SH2D2A: variants seen among roughly 807,000 people sequenced by gnomAD.
SH2D2A encodes the protein SH2 domain containing 2A, also known as SH2 domain-containing protein 2A.
SH2D2A carries 33 observed loss-of-function variants against 43.6 expected under a neutral mutation model. That is an observed-to-expected ratio of 0.76 (90% CI 0.57 to 1.01). The LOEUF (loss-of-function observed/expected upper bound fraction) is 1.01, where lower values mean the gene tolerates loss of function less well. Among genes scored for constraint, SH2D2A ranks in the 50% least tolerant of loss-of-function variants. The pLI is 0.00. For missense variants in SH2D2A, 491 were observed against 503.1 expected (o/e 0.98, Z 0.23); for synonymous variants, 212 against 206.1 (o/e 1.03, Z -0.25).
chr1:156,807,465 C>T lies in SH2D2A; in HGVS notation c.1003-120G>A, dbSNP rs769440389. ...GCTTCCAGAGAGGGTATCTAAACTCCTCTCATTCATTAATTCAACAAACAT... is the reference window on the plus strand; with the variant it reads ...GCTTCCAGAGAGGGTATCTAAACTCTTCTCATTCATTAATTCAACAAACAT... On this transcript the variant is annotated intron_variant, in intron 7 of 8. Transcript: ENST00000368199. This position sits in a 1 kb window ranked among gnomAD's most constrained non-coding sequence, Gnocchi z 5.1. 1.3e-6 allele frequency: 1 copy of T among 785,980 alleles called. No individual in the cohort carries two copies. Among genetic ancestry groups the T allele is most frequent in the Non-Finnish European group, 1.9e-6 (1 of 512,970 alleles). 48.7% of individuals were successfully genotyped at this position (785,980 alleles called of 1,614,324 possible). A position where few individuals can be genotyped will look rare whatever the true frequency, so the allele number is the denominator to read the frequency against.
At chr1:156,814,327 G>C in intron 3 of SH2D2A, 33 bp from the exon 4 acceptor site, 1 of 1,603,076 alleles carries the variant, frequency 6.2e-7, no homozygotes, top group East Asian at 2.3e-5. Flanking sequence ...GCCGAACCCT[G>C]CTCTGACACT....
chr1:156,809,487 A>G lies in SH2D2A; in HGVS notation c.718T>C (p.Ser240Pro), dbSNP rs1439656309. 3 of 1,597,634 alleles carry G rather than the reference A, an allele frequency of 1.9e-6. No individual in the cohort carries two copies. The South Asian group carries it at 3.3e-5, about 18-fold the overall frequency. The part of the protein sequence containing the change: ...QKEGAGEKEP[S>P]QLLRPKPPIP... ...GGAGGCTTGGGCCTGAGCAGCTGGG[A>G]GGGCTGGGAGAGAAGGTGAGGCCAG... is the stretch of plus-strand genomic sequence containing the variant. The change falls in exon 7 of 9, where the codon TCC becomes CCC. Residue 240 changes from serine to proline, a missense_variant. Coordinates refer to ENST00000368199, the MANE Select transcript of SH2D2A (RefSeq NM_003975.4). This position sits in a 1 kb window ranked among gnomAD's most constrained non-coding sequence, Gnocchi z 4.8.
In SH2D2A at chr1:156,816,825, C is replaced by T. The variant is rs193016330; in HGVS notation, c.-117G>A. On this transcript the variant is annotated 5_prime_UTR_variant, in exon 1 of 9. Coordinates refer to ENST00000368199, the MANE Select transcript of SH2D2A (RefSeq NM_003975.4). ...CCCTGGCCCCGGGGGCAGGAAATGTCGCCTTACCCACAGCCTTAGTTCTGG... is the reference window on the plus strand; with the variant it reads ...CCCTGGCCCCGGGGGCAGGAAATGTTGCCTTACCCACAGCCTTAGTTCTGG... The T allele has an allele frequency of 1.8e-5, 17 of 953,752 alleles. No individual in the cohort carries two copies. Among genetic ancestry groups the T allele is most frequent in the South Asian group, 1.4e-4 (7 of 48,324 alleles). The allele number at this position is 953,752 out of a possible 1,614,324, so 59.1% of individuals were successfully genotyped here. A position where few individuals can be genotyped will look rare whatever the true frequency, so the allele number is the denominator to read the frequency against.
At position 156,807,452 on chromosome 1, in the gene SH2D2A, G is replaced by A; in HGVS notation, c.1003-107C>T. ...TGAACAGACTTTGGCTTCCAGAGAG[G>A]GTATCTAAACTCCTCTCATTCATTA... On this transcript the variant is annotated intron_variant, in intron 7 of 8. Transcript: ENST00000368199. The surrounding 1 kb of genome is among the most constrained non-coding windows in gnomAD (Gnocchi z 5.1). 2.1e-6 allele frequency: 2 copies of A among 952,196 alleles called. No homozygotes were observed. Among genetic ancestry groups the A allele is most frequent in the Non-Finnish European group, 3.0e-6 (2 of 663,454 alleles). 59.0% of individuals were successfully genotyped at this position (952,196 alleles called of 1,614,324 possible).
intron 5 of SH2D2A, among the ~76,000 whole-genome samples, chr1:156,813,041 CTG>C (rs746213507): frequency 3.0e-4 from 46 of 152,190 alleles, no homozygotes; most frequent in Non-Finnish European, 5.9e-5. Flanking sequence ...TATTACTTGT[CTG>C]TTTTTGCTGC....
rs1307017725 is a variant in SH2D2A at position 156,816,814 on chromosome 1, G to A, written c.-106C>T. On this transcript the variant is annotated 5_prime_UTR_variant, in exon 1 of 9. Coordinates refer to ENST00000368199, the MANE Select transcript of SH2D2A (RefSeq NM_003975.4). ...CTCTCCTCTCACCCTGGCCCCGGGG[G>A]CAGGAAATGTCGCCTTACCCACAGC... is the stretch of plus-strand genomic sequence containing the variant. 1.1e-5 allele frequency: 12 copies of A among 1,095,960 alleles called. No homozygotes were observed. Among genetic ancestry groups the A allele is most frequent in the African/African-American group, 1.6e-5 (1 of 61,170 alleles). The allele number at this position is 1,095,960 out of a possible 1,614,324, so 67.9% of individuals were successfully genotyped here.
chr1:156,807,043 G>T lies in SH2D2A; in HGVS notation c.*3+132C>A. 1.2e-6 allele frequency: 1 copy of T among 850,036 alleles called. No individual in the cohort carries two copies. 52.7% of individuals were successfully genotyped at this position (850,036 alleles called of 1,614,324 possible). A position where few individuals can be genotyped will look rare whatever the true frequency, so the allele number is the denominator to read the frequency against. The stretch of plus-strand genomic sequence containing the variant: ...CCTCTTTGCCATCCTTGCAATAGAT[G>T]ATGGCTGAGCTCCTTTCCAGCTTTG... On this transcript the variant is annotated intron_variant, in intron 8 of 8. Coordinates refer to ENST00000368199, the MANE Select transcript of SH2D2A (RefSeq NM_003975.4). The surrounding 1 kb of genome is among the most constrained non-coding windows in gnomAD (Gnocchi z 5.1).
Position 156,809,007 on chromosome 1 carries a change from C to T in SH2D2A, c.1002+196G>A, listed in dbSNP as rs962162101. Among the ~76,000 whole-genome samples, 3 of 152,144 alleles carry T rather than the reference C, an allele frequency of 2.0e-5. No homozygotes were observed. Among genetic ancestry groups the T allele is most frequent in the Non-Finnish European group, 4.4e-5 (3 of 68,016 alleles). On this transcript the variant is annotated intron_variant, in intron 7 of 8. Coordinates refer to ENST00000368199, the MANE Select transcript of SH2D2A (RefSeq NM_003975.4). This position sits in a 1 kb window ranked among gnomAD's most constrained non-coding sequence, Gnocchi z 4.8. ...TGACAAAGATGAGGTCTGAGCGACTCTGGGGAGAAGAGGGGGCAGCCTCTG... is the reference window on the plus strand; with the variant it reads ...TGACAAAGATGAGGTCTGAGCGACTTTGGGGAGAAGAGGGGGCAGCCTCTG...
chr1:156,807,296 C>A lies in SH2D2A; in HGVS notation c.1052G>T (p.Gly351Val), dbSNP rs745491092. The stretch of plus-strand genomic sequence containing the variant: ...TGGGGGCTGGTGGGGCAGGGGAGGG[C>A]CTTGCCCAATCACAGAGTTCTCAGA... ...LHSENSVIGQ[G>V]PPLPHQPPPA... Residue 351 changes from glycine to valine, a missense_variant, in exon 8 of 9, where the codon GGC becomes GTC. Physicochemically the swap from Gly to Val is moderately radical, Grantham distance 109. Transcript: ENST00000368199. The surrounding 1 kb of genome is among the most constrained non-coding windows in gnomAD (Gnocchi z 5.1). The A allele has an allele frequency of 1.5e-5, 24 of 1,593,714 alleles. No homozygotes were observed. The highest frequency in any genetic ancestry group is 1.7e-5 in the Admixed American group (1 of 58,594).
At chr1:156,814,132 A>C in intron 4 of SH2D2A, 73 bp downstream of exon 4, 2 of 1,584,728 alleles carry the variant, frequency 1.3e-6, no homozygotes, top group Non-Finnish European at 1.7e-6. Context: ...CCGGCTCCTC[A>C]CGGGATCAGA....
At chr1:156,811,301 C>T (rs1653400111) in intron 5 of SH2D2A, among the ~76,000 whole-genome samples, 1 of 152,200 alleles carries the variant, frequency 6.6e-6, no homozygotes, top group Admixed American at 6.5e-5. Flanking sequence ...TGACTCCTCC[C>T]CCTGCATCGT....
chr1:156,806,893 G>A (rs1362582658), intron 8 of SH2D2A, among the ~76,000 whole-genome samples: 1 of 152,106 alleles, frequency 6.6e-6, no homozygotes, highest in African/African-American at 2.4e-5. Context: ...CTTACCCGTG[G>A]CAGACATCAC....
At chr1:156,815,580 A>C in intron 2 of SH2D2A, 2 of 626,258 alleles carry the variant, frequency 3.2e-6, no homozygotes, top group Non-Finnish European at 2.9e-6. Context: ...AAGTCACCCT[A>C]GAGGCCAGAA....
rs1368984454 is a variant in SH2D2A, at chr1:156,809,155, C to G, written c.1002+48G>C. 4 of 1,550,948 alleles carry G rather than the reference C, an allele frequency of 2.6e-6. No homozygotes were observed. Among genetic ancestry groups the G allele is most frequent in the Non-Finnish European group, 3.5e-6 (4 of 1,144,816 alleles). ...ACCTTCTTCACCTTCCCCCATCTAC[C>G]TGCAGGGAGACCTTCTTGCACCTAC... On this transcript the variant is annotated intron_variant, in intron 7 of 8. Transcript: ENST00000368199. This position sits in a 1 kb window ranked among gnomAD's most constrained non-coding sequence, Gnocchi z 4.8.
In SH2D2A at chr1:156,814,216, CACG is replaced by C. The variant is rs542903385; in HGVS notation, c.384_386del (p.Phe128_Val129delinsLeu). 10 of 1,613,770 alleles carry C rather than the reference CACG, an allele frequency of 6.2e-6. No individual in the cohort carries two copies. The South Asian group carries it at 1.1e-4, about 18-fold the overall frequency. On this transcript the variant is annotated inframe_deletion, in exon 4 of 9. Coordinates refer to ENST00000368199, the MANE Select transcript of SH2D2A (RefSeq NM_003975.4). ...GCCTCGCCCCTCACCTGTAAGTCAG[CACG>C]AAGGTCACCGCGCTCTCGCTGAACC...
At chr1:156,813,251 A>G (rs1008051700) in intron 5 of SH2D2A, among the ~76,000 whole-genome samples, 8 of 152,132 alleles carry the variant, frequency 5.3e-5, no homozygotes, top group African/African-American at 1.9e-4. Context: ...AGACCCCCGC[A>G]TCCTCCCCTG....
Position 156,809,402 on chromosome 1 carries a change from C to T in SH2D2A, c.803G>A (p.Arg268His), listed in dbSNP as rs137877502. The T allele has an allele frequency of 1.1e-5, 18 of 1,613,770 alleles. No homozygotes were observed. The highest frequency in any genetic ancestry group is 6.6e-5 in the South Asian group (6 of 91,078). ...GGAGGGCTTGGGGCGTGGGGCCGGGCGGTGTCGTGGAACAGGGATTGTGTA... is the reference window on the plus strand; with the variant it reads ...GGAGGGCTTGGGGCGTGGGGCCGGGTGGTGTCGTGGAACAGGGATTGTGTA... ...EVYTIPVPRH[R>H]PAPRPKPSNP... Residue 268 changes from arginine (R) to histidine (H), a missense_variant, in exon 7 of 9, where the codon CGC (arginine) becomes CAC (histidine). By Grantham distance (29) the Arg-to-His change is conservative (BLOSUM62 0). Transcript: ENST00000368199. This position sits in a 1 kb window ranked among gnomAD's most constrained non-coding sequence, Gnocchi z 4.8.
chr1:156,814,917 C>A, intron 3 of SH2D2A, 120 bp downstream of exon 3: 1 of 845,494 alleles, frequency 1.2e-6, no homozygotes, highest in South Asian at 2.8e-5. Context: ...GGAGTGGGCG[C>A]CTCCATCTAC....
At chr1:156,814,477 G>T (rs945495299) in intron 3 of SH2D2A, 183 bp from the exon 4 acceptor site, 2 of 1,180,706 alleles carry the variant, frequency 1.7e-6, no homozygotes, top group African/African-American at 1.5e-5. Context: ...CAGGGATTAG[G>T]CGTGGACAGG....
Sources: allele counts gnomAD v4.1 joint callset (sites outside exome capture counted in the v4.1 genomes callset), GRCh38; gene constraint gnomAD v4.1.1; non-coding constraint Gnocchi (gnomAD v3.1); transcripts MANE v1.5; gene names NCBI Gene and HGNC (gene_info 2026-07-23, HGNC 2026-07-21).